Variants in ADAT2 observed in about 807,000 individuals in gnomAD.
ADAT2 encodes tRNA-specific adenosine-34 deaminase catalytic subunit ADAT2.
A neutral mutation model predicts 25.9 loss-of-function variants in ADAT2; 26 were observed. The observed-to-expected ratio is 1.00, with a 90% confidence interval of 0.74 to 1.39. The LOEUF (loss-of-function observed/expected upper bound fraction) is 1.39. ADAT2 is among the 40% of genes most tolerant of loss of function. The pLI, the probability that ADAT2 is intolerant of heterozygous loss-of-function variation, is 0.00. For missense variants in ADAT2, 220 were observed against 244.8 expected, an observed-to-expected ratio of 0.90 and a Z score of 0.68; for synonymous variants, 76 against 86.8, an observed-to-expected ratio of 0.88 and a Z score of 0.69.
chr6:143,428,465 A>G lies in ADAT2; in HGVS notation c.574T>C (p.Ter192ArgextTer9). Reference sequence around the variant, plus strand: ...TTGGTTCTTTCATCAGAACATGTTCAAGATTTCTGACATTCCTTTTTCCGA... The same window carrying G: ...TTGGTTCTTTCATCAGAACATGTTCGAGATTTCTGACATTCCTTTTTCCGA... ...KVRKKECQKS[*>R] The change falls in exon 6 of 6, where the codon TGA becomes CGA. Residue 192 changes from the stop codon to arginine, a stop_lost. Coordinates refer to ENST00000237283, the MANE Select transcript of ADAT2 (RefSeq NM_182503.3). This position sits in a 1 kb window ranked among gnomAD's most constrained non-coding sequence, Gnocchi z 5.0. 1 of 1,613,630 alleles carries G rather than the reference A, an allele frequency of 6.2e-7. No individual in the cohort carries two copies. The highest frequency in any genetic ancestry group is 8.5e-7 in the Non-Finnish European group (1 of 1,180,006).
At chr6:143,433,009 T>C (rs1372082300) in intron 3 of ADAT2, among the ~76,000 whole-genome samples, 3 of 152,196 alleles carry the variant, frequency 2.0e-5, no homozygotes, top group African/African-American at 7.2e-5. Context: ...AAATAAAATA[T>C]AACCTGTGCC....
Position 143,444,248 on chromosome 6 carries a change from G to A in ADAT2, c.97-5554C>T, listed in dbSNP as rs564321743. Among the ~76,000 whole-genome samples, 7 of 152,110 alleles carry A rather than the reference G, an allele frequency of 4.6e-5. No homozygotes were observed. In the South Asian group the frequency reaches 1.0e-3, roughly 23 times the overall value. ...TCCGAAACAGAGAGCAAATATGAGCGATCGGAATATTTTAAAAGGACAAAT... is the reference window on the plus strand; with the variant it reads ...TCCGAAACAGAGAGCAAATATGAGCAATCGGAATATTTTAAAAGGACAAAT... On this transcript the variant is annotated intron_variant, in intron 1 of 5. Coordinates refer to ENST00000237283, the MANE Select transcript of ADAT2 (RefSeq NM_182503.3). This position sits in a 1 kb window ranked among gnomAD's most constrained non-coding sequence, Gnocchi z 4.3.
In ADAT2 at chr6:143,442,261, T is replaced by C. The variant is rs1277631941; in HGVS notation, c.97-3567A>G. 1.3e-5 allele frequency among the ~76,000 whole-genome samples: 2 copies of C among 152,166 alleles called. No individual in the cohort carries two copies. Among genetic ancestry groups the C allele is most frequent in the East Asian group, 3.8e-4 (2 of 5,204 alleles). On this transcript the variant is annotated intron_variant, in intron 1 of 5. Coordinates refer to ENST00000237283, the MANE Select transcript of ADAT2 (RefSeq NM_182503.3). This position sits in a 1 kb window ranked among gnomAD's most constrained non-coding sequence, Gnocchi z 4.6. ...TGAACTATCGATAATCTCAACAACT[T>C]GGATGGATCTCATGGGAATCATGCT... is the stretch of plus-strand genomic sequence containing the variant.
chr6:143,447,431 C>CA (rs995489198), intron 1 of ADAT2, among the ~76,000 whole-genome samples: 19 of 151,574 alleles, frequency 1.3e-4, no homozygotes, highest in Middle Eastern at 3.4e-3. Context: ...TTAAGACTAC[C>CA]AAAAAAAACT....
At position 143,432,006 on chromosome 6, in the gene ADAT2, GAC is replaced by G. The variant is rs969222117; in HGVS notation, c.459+497_459+498del. ...CTGGGGGAAATTTCAACATTAAAAA[GAC>G]ACACAAAAAAAGACATGAAAATACA... On this transcript the variant is annotated intron_variant, in intron 4 of 5. Coordinates refer to ENST00000237283, the MANE Select transcript of ADAT2 (RefSeq NM_182503.3). The surrounding 1 kb of genome is among the most constrained non-coding windows in gnomAD (Gnocchi z 4.4). Among the ~76,000 whole-genome samples, 3 of 151,966 alleles carry G rather than the reference GAC, an allele frequency of 2.0e-5. No homozygotes were observed. The highest frequency in any genetic ancestry group is 4.4e-5 in the Non-Finnish European group (3 of 67,984).
rs1778860182 is a variant in ADAT2 at position 143,424,089 on chromosome 6, A to T, written c.*4374T>A. The T allele has an allele frequency of 6.7e-6, 1 of 149,192 alleles. No individual in the cohort carries two copies. The highest frequency in any genetic ancestry group is 6.8e-5 in the Admixed American group (1 of 14,814). 9.2% of individuals were successfully genotyped at this position (149,192 alleles called of 1,614,324 possible). ...TAGCTCAACTTGAAGAAAATGTAAG[A>T]TCCTAAAGATGTCAAACTTTCAGCA... On this transcript the variant is annotated 3_prime_UTR_variant, in exon 6 of 6. Coordinates refer to ENST00000237283, the MANE Select transcript of ADAT2 (RefSeq NM_182503.3). The surrounding 1 kb of genome is among the most constrained non-coding windows in gnomAD (Gnocchi z 4.8).
intron 1 of ADAT2, among the ~76,000 whole-genome samples, chr6:143,441,065 G>A (rs1307622659): frequency 6.6e-6 from 1 of 152,166 alleles, no homozygotes; most frequent in Non-Finnish European, 1.5e-5. Flanking sequence ...GGAAAAGGCA[G>A]GCTTCCAGAA....
chr6:143,439,955 C>T (rs1779410375), intron 1 of ADAT2, among the ~76,000 whole-genome samples: 1 of 152,152 alleles, frequency 6.6e-6, no homozygotes, highest in Non-Finnish European at 1.5e-5. Flanking sequence ...TATCACAGGC[C>T]ATTCGTTTTT....
At chr6:143,450,427 GCCAGTTGTTCAC>G (rs1351409956) in intron 1 of ADAT2, 124 bp downstream of exon 1, 2 of 924,408 alleles carry the variant, frequency 2.2e-6, no homozygotes, top group Non-Finnish European at 3.4e-6. Flanking sequence ...AGGCAGTAAA[GCCAGTTGTTCAC>G]CCAGAACATC....
Position 143,446,338 on chromosome 6 carries a change from T to A in ADAT2, c.96+4225A>T, listed in dbSNP as rs1193462308. Among the ~76,000 whole-genome samples the A allele has an allele frequency of 6.6e-6, 1 of 152,190 alleles. No individual in the cohort carries two copies. The highest frequency in any genetic ancestry group is 1.5e-5 in the Non-Finnish European group (1 of 68,048). The stretch of plus-strand genomic sequence containing the variant: ...GTAAAGGTTGTACAGTATTTCTCCT[T>A]ATGAACATATCTGATTCAACCAACT... On this transcript the variant is annotated intron_variant, in intron 1 of 5. Coordinates refer to ENST00000237283, the MANE Select transcript of ADAT2 (RefSeq NM_182503.3). This position sits in a 1 kb window ranked among gnomAD's most constrained non-coding sequence, Gnocchi z 5.0.
At chr6:143,443,577 T>A (rs2128743306) in intron 1 of ADAT2, among the ~76,000 whole-genome samples, 1 of 152,238 alleles carries the variant, frequency 6.6e-6, no homozygotes, top group East Asian at 1.9e-4. Flanking sequence ...ATGCCTGTAA[T>A]CCCAGCACTT....
In ADAT2 at chr6:143,444,193, T is replaced by A. The variant is rs1779534703; in HGVS notation, c.97-5499A>T. Among the ~76,000 whole-genome samples the A allele has an allele frequency of 6.6e-6, 1 of 151,948 alleles. No individual in the cohort carries two copies. The highest frequency in any genetic ancestry group is 6.6e-5 in the Admixed American group (1 of 15,256). The stretch of plus-strand genomic sequence containing the variant: ...TTCATGTTTATTTTGAGTAACACAG[T>A]TTTTTTTCCTGAAATGCCTTCCACT... On this transcript the variant is annotated intron_variant, in intron 1 of 5. Coordinates refer to ENST00000237283, the MANE Select transcript of ADAT2 (RefSeq NM_182503.3). This position sits in a 1 kb window ranked among gnomAD's most constrained non-coding sequence, Gnocchi z 4.3.
Position 143,446,822 on chromosome 6 carries a change from T to C in ADAT2, c.96+3741A>G, listed in dbSNP as rs1022972756. The stretch of plus-strand genomic sequence containing the variant: ...ATATCCCATCTGAAAATGAGGACCA[T>C]AATAATACTCACCTGATAGGGCTTC... On this transcript the variant is annotated intron_variant, in intron 1 of 5. Transcript: ENST00000237283. The surrounding 1 kb of genome is among the most constrained non-coding windows in gnomAD (Gnocchi z 5.0). Among the ~76,000 whole-genome samples, 2 of 152,136 alleles carry C rather than the reference T, an allele frequency of 1.3e-5. No homozygotes were observed. The highest frequency in any genetic ancestry group is 2.4e-5 in the African/African-American group (1 of 41,430).
chr6:143,423,464 GCTCTAGATT>G lies in ADAT2; in HGVS notation c.*4990_*4998del, dbSNP rs897743554. 2.0e-5 allele frequency: 3 copies of G among 152,122 alleles called. No individual in the cohort carries two copies. The highest frequency in any genetic ancestry group is 2.0e-4 in the Admixed American group (3 of 15,270). The allele number at this position is 152,122 out of a possible 1,614,324, so 9.4% of individuals were successfully genotyped here. ...CATGGGCCATACTTTGTGGACTCCTGCTCTAGATTCTCAAGTTCATGCTTCAACATGTTA... is the reference window on the plus strand; with the variant it reads ...CATGGGCCATACTTTGTGGACTCCTGCTCAAGTTCATGCTTCAACATGTTA... On this transcript the variant is annotated 3_prime_UTR_variant, in exon 6 of 6. Coordinates refer to ENST00000237283, the MANE Select transcript of ADAT2 (RefSeq NM_182503.3).
intron 2 of ADAT2, among the ~76,000 whole-genome samples, chr6:143,435,619 C>T (rs987697447): frequency 1.3e-5 from 2 of 152,092 alleles, no homozygotes; most frequent in Non-Finnish European, 2.9e-5. Context: ...AATTTGACCA[C>T]GATTTAAAAT....
At position 143,432,494 on chromosome 6, in the gene ADAT2, G is replaced by C. The variant is rs367665593; in HGVS notation, c.459+11C>G. 86 of 1,609,046 alleles carry C rather than the reference G, an allele frequency of 5.3e-5. No homozygotes were observed. Among genetic ancestry groups the C allele is most frequent in the Non-Finnish European group, 6.8e-5 (80 of 1,175,438 alleles). ...TAGCAAGAAAGAAAAAGCATAAGCAGTTTGTATTACCTGAAATGGTCTCCC... is the reference window on the plus strand; with the variant it reads ...TAGCAAGAAAGAAAAAGCATAAGCACTTTGTATTACCTGAAATGGTCTCCC... On this transcript the variant is annotated intron_variant, in intron 4 of 5. Coordinates refer to ENST00000237283, the MANE Select transcript of ADAT2 (RefSeq NM_182503.3). This position sits in a 1 kb window ranked among gnomAD's most constrained non-coding sequence, Gnocchi z 4.4.
Position 143,442,722 on chromosome 6 carries a change from G to C in ADAT2, c.97-4028C>G, listed in dbSNP as rs1250261221. Among the ~76,000 whole-genome samples, 1 of 152,160 alleles carries C rather than the reference G, an allele frequency of 6.6e-6. No homozygotes were observed. Among genetic ancestry groups the C allele is most frequent in the African/African-American group, 2.4e-5 (1 of 41,424 alleles). On this transcript the variant is annotated intron_variant, in intron 1 of 5. Coordinates refer to ENST00000237283, the MANE Select transcript of ADAT2 (RefSeq NM_182503.3). The surrounding 1 kb of genome is among the most constrained non-coding windows in gnomAD (Gnocchi z 4.6). ...AAAATAAGTACAGGTAAACAAAAAG[G>C]ATTTTGCAATGGGAATTAAAAAGAG...
intron 1 of ADAT2, among the ~76,000 whole-genome samples, chr6:143,448,793 G>A (rs112571139): frequency 6.6e-6 from 1 of 151,814 alleles, no homozygotes; most frequent in Admixed American, 6.6e-5. Context: ...CAACTGCCCG[G>A]GCCCAGGAGT....
Position 143,424,205 on chromosome 6 carries a change from C to T in ADAT2, c.*4258G>A, listed in dbSNP as rs1232017133. The T allele has an allele frequency of 6.6e-6, 1 of 152,192 alleles. No individual in the cohort carries two copies. The highest frequency in any genetic ancestry group is 2.1e-4 in the South Asian group (1 of 4,830). The allele number at this position is 152,192 out of a possible 1,614,324, so 9.4% of individuals were successfully genotyped here. ...AGCAATTTACAAAGGAAATAGTTGG[C>T]AGTTGTCTTCATAGATGAAGTCAAT... On this transcript the variant is annotated 3_prime_UTR_variant, in exon 6 of 6. Coordinates refer to ENST00000237283, the MANE Select transcript of ADAT2 (RefSeq NM_182503.3). This position sits in a 1 kb window ranked among gnomAD's most constrained non-coding sequence, Gnocchi z 4.8.
Sources: allele counts gnomAD v4.1 joint callset (sites outside exome capture counted in the v4.1 genomes callset), GRCh38; gene constraint gnomAD v4.1.1; non-coding constraint Gnocchi (gnomAD v3.1); transcripts MANE v1.5; gene names NCBI Gene and HGNC (gene_info 2026-07-23, HGNC 2026-07-21).